TNKS: variants seen among roughly 807,000 people sequenced by gnomAD.
The protein encoded by TNKS is poly [ADP-ribose] polymerase tankyrase-1.
TNKS carries 72 observed loss-of-function variants against 135.8 expected under a neutral mutation model. The observed-to-expected ratio is 0.53, with a 90% CI of 0.44 to 0.64. The LOEUF (loss-of-function observed/expected upper bound fraction) is 0.64, where lower values mean the gene tolerates loss of function less well. Among genes scored for constraint, TNKS ranks in the 30% least tolerant of loss-of-function variants. TNKS has a pLI of 0.00. For synonymous variants in TNKS, 849 were observed against 649.3 expected (o/e 1.31, Z -4.68); for missense variants, 1,769 against 1,674.0 (o/e 1.06, Z -0.99).
At chr8:9,587,176 C>T (rs1169794095) in intron 2 of TNKS, among the ~76,000 whole-genome samples, 1 of 151,354 alleles carries the variant, frequency 6.6e-6, no homozygotes, top group East Asian at 1.9e-4. Flanking sequence ...TCTTGGTGGA[C>T]CCAAAGTAAT....
intron 12 of TNKS, among the ~76,000 whole-genome samples, chr8:9,722,148 C>A (rs114092643): frequency 0.013 from 1,920 of 151,728 alleles, 31 homozygotes; most frequent in African/African-American, 0.045. Flanking sequence ...ATTTATAGTT[C>A]TTATGTAAAT....
intron 11 of TNKS, among the ~76,000 whole-genome samples, chr8:9,717,305 A>T (rs1554476775): frequency 6.6e-6 from 1 of 151,590 alleles, no homozygotes; most frequent in Non-Finnish European, 1.5e-5. Context: ...TGTCTCTTTC[A>T]TTCCTCATAG....
rs752142889 is a variant in TNKS, at chr8:9,556,448, C to G, written c.509C>G (p.Ala170Gly). ...SSTAPLGPGA[A>G]GPGTGVPAVS... ...ACAGCACCACTGGGGCCTGGGGCAGCAGGACCTGGGACAGGGGTCCCAGCA... is the reference window on the plus strand; with the variant it reads ...ACAGCACCACTGGGGCCTGGGGCAGGAGGACCTGGGACAGGGGTCCCAGCA... The change falls in exon 1 of 27, where the codon GCA (alanine) becomes GGA (glycine). Residue 170 changes from alanine (A) to glycine (G), a missense_variant. This residue lies in a region of TNKS where 450 missense variants were observed against 304.9 expected (regional missense o/e 1.48). Transcript: ENST00000310430. The G allele has an allele frequency of 1.9e-6, 3 of 1,614,098 alleles. No individual in the cohort carries two copies. Among genetic ancestry groups the G allele is most frequent in the Non-Finnish European group, 2.5e-6 (3 of 1,180,038 alleles).
At chr8:9,775,532 T>C (rs1310133350) in intron 26 of TNKS, among the ~76,000 whole-genome samples, 1 of 143,342 alleles carries the variant, frequency 7.0e-6, no homozygotes, top group Non-Finnish European at 1.5e-5. Flanking sequence ...TTTATGTTTT[T>C]TTGTTATTTT....
chr8:9,615,208 A>T (rs1397636211), intron 2 of TNKS: 1 of 160,154 alleles, frequency 6.2e-6, no homozygotes, highest in East Asian at 1.8e-4. Flanking sequence ...CGACAGCAAC[A>T]AGCAGCCACA....
intron 26 of TNKS, among the ~76,000 whole-genome samples, chr8:9,770,867 G>C (rs995701149): frequency 6.6e-6 from 1 of 152,166 alleles, no homozygotes; most frequent in African/African-American, 2.4e-5. Context: ...GGGCAAAACA[G>C]TGAAACTCTT....
intron 2 of TNKS, among the ~76,000 whole-genome samples, chr8:9,596,907 A>C (rs768198201): frequency 6.6e-5 from 10 of 152,238 alleles, no homozygotes; most frequent in Non-Finnish European, 1.3e-4. Flanking sequence ...TCTCACTGTC[A>C]TAGGTATTTT....
intron 3 of TNKS, chr8:9,670,338 G>C (rs531616235): frequency 6.6e-6 from 1 of 152,258 alleles, no homozygotes; most frequent in East Asian, 1.9e-4. Flanking sequence ...AGAAATGGAA[G>C]GTGGAGATGT....
chr8:9,587,919 A>G (rs12679892), intron 2 of TNKS, among the ~76,000 whole-genome samples: 42,913 of 152,144 alleles, frequency 0.28, 6,327 homozygotes, highest in East Asian at 0.39. Flanking sequence ...AATGTTTTCA[A>G]TACAATTAAA....
At chr8:9,594,043 C>G (rs372648047) in intron 2 of TNKS, among the ~76,000 whole-genome samples, 2 of 152,070 alleles carry the variant, frequency 1.3e-5, no homozygotes, top group African/African-American at 4.8e-5. Context: ...CCCGCCACCA[C>G]GCATGGCTAT....
chr8:9,644,912 T>C (rs1307341307), intron 3 of TNKS, among the ~76,000 whole-genome samples: 2 of 152,186 alleles, frequency 1.3e-5, no homozygotes, highest in Non-Finnish European at 2.9e-5. Context: ...TATTATAAAA[T>C]AGGCTTTGTG....
intron 3 of TNKS, among the ~76,000 whole-genome samples, chr8:9,632,559 G>C (rs540301311): frequency 1.3e-5 from 2 of 152,082 alleles, no homozygotes; most frequent in African/African-American, 4.8e-5. Context: ...CTTTCTTTCA[G>C]CTGCTTTTGA....
At position 9,643,095 on chromosome 8, in the gene TNKS, T is replaced by C. The variant is rs551870904; in HGVS notation, c.994+27418T>C. ...TGTTTTTCACTCATTTATAAAAGCT[T>C]GAGAAGTCCATTTTTATTAAAAATT... is the stretch of plus-strand genomic sequence containing the variant. On this transcript the variant is annotated intron_variant, in intron 3 of 26. Transcript: ENST00000310430. Among the ~76,000 whole-genome samples, 3 of 146,244 alleles carry C rather than the reference T, an allele frequency of 2.1e-5. 1 individual carries two copies. The highest frequency in any genetic ancestry group is 7.6e-5 in the African/African-American group (3 of 39,546).
rs955300682 is a variant in TNKS at position 9,763,060 on chromosome 8, T to C, written c.3275-87T>C. ...GTTCCAAAACCTCAATTACTTATTA[T>C]GAATTTTTTTTTTTTTTTTTTTTTT... is the stretch of plus-strand genomic sequence containing the variant. On this transcript the variant is annotated intron_variant, in intron 21 of 26. Coordinates refer to ENST00000310430, the MANE Select transcript of TNKS (RefSeq NM_003747.3). 10 of 599,000 alleles carry C rather than the reference T, an allele frequency of 1.7e-5. No individual in the cohort carries two copies. In the African/African-American group the frequency reaches 2.0e-4, roughly 12 times the overall value. 37.1% of individuals were successfully genotyped at this position (599,000 alleles called of 1,614,324 possible). A position where few individuals can be genotyped will look rare whatever the true frequency, so the allele number is the denominator to read the frequency against.
intron 20 of TNKS, among the ~76,000 whole-genome samples, chr8:9,754,680 C>T (rs1380123036): frequency 1.3e-5 from 2 of 152,146 alleles, no homozygotes; most frequent in Non-Finnish European, 2.9e-5. Context: ...CCTATCACTT[C>T]CTTTACCTGT....
chr8:9,651,229 C>T (rs952472197), intron 3 of TNKS, among the ~76,000 whole-genome samples: 10 of 151,984 alleles, frequency 6.6e-5, no homozygotes, highest in Admixed American at 1.3e-4. Context: ...GTGGGGCTCA[C>T]TTCTGTTGGT....
chr8:9,706,797 T>A lies in TNKS; in HGVS notation c.1270-14T>A, dbSNP rs542853382. ...AATGATTACTGACCTAAAATGTTTTTTTTCTCAATTCAGCATGGAGCTTGT... is the reference window on the plus strand; with the variant it reads ...AATGATTACTGACCTAAAATGTTTTATTTCTCAATTCAGCATGGAGCTTGT... On this transcript the variant is annotated splice_polypyrimidine_tract_variant and intron_variant, in intron 7 of 26. Transcript: ENST00000310430. 3 of 1,584,846 alleles carry A rather than the reference T, an allele frequency of 1.9e-6. No homozygotes were observed. The South Asian group carries it at 3.6e-5, about 19-fold the overall frequency.
intron 12 of TNKS, among the ~76,000 whole-genome samples, chr8:9,722,065 AAAAAG>A (rs1426585993): frequency 1.3e-5 from 1 of 74,354 alleles, no homozygotes; most frequent in Non-Finnish European, 3.4e-5. Flanking sequence ...TCAACAAAAA[AAAAAG>A]AAAAGAAAAG....
intron 5 of TNKS, among the ~76,000 whole-genome samples, chr8:9,698,397 AGT>A (rs1803630181): frequency 2.2e-5 from 3 of 136,074 alleles, no homozygotes; most frequent in Admixed American, 7.9e-5. Flanking sequence ...AAAAAGCTTA[AGT>A]ATATAAGCAA....
Sources: allele counts gnomAD v4.1 joint callset (sites outside exome capture counted in the v4.1 genomes callset), GRCh38; gene constraint gnomAD v4.1.1; regional missense constraint gnomAD v4.1.1; transcripts MANE v1.5; gene names NCBI Gene and HGNC (gene_info 2026-07-23, HGNC 2026-07-21).